The following PALLD variants were observed in gnomAD, a reference collection of about 807,000 sequenced individuals.
The protein encoded by PALLD is palladin, cytoskeletal associated protein, also known as palladin.
In PALLD, 61 loss-of-function variants were observed where a neutral mutation model predicts 123.5. The observed-to-expected ratio is 0.49, with a 90% CI of 0.40 to 0.61. The LOEUF is 0.61. Among genes scored for constraint, PALLD ranks in the 20% least tolerant of loss-of-function variants. The pLI is 0.00. For missense variants in PALLD, 1,273 were observed against 1,377.0 expected (o/e 0.92, Z 1.20); for synonymous variants, 465 against 496.4 (o/e 0.94, Z 0.84).
At chr4:168,767,091 G>T (rs1733768831) in intron 10 of PALLD, among the ~76,000 whole-genome samples, 1 of 152,154 alleles carries the variant, frequency 6.6e-6, no homozygotes, top group Admixed American at 6.5e-5. Flanking sequence ...CCTAGAATTG[G>T]ATGCAACATT....
intron 2 of PALLD, among the ~76,000 whole-genome samples, chr4:168,582,451 T>C (rs1221329807): frequency 1.3e-5 from 2 of 152,124 alleles, no homozygotes; most frequent in Admixed American, 1.3e-4. Flanking sequence ...CTGAATCCCT[T>C]TTATTCCTTT....
chr4:168,816,027 A>G (rs1250067045), intron 10 of PALLD, among the ~76,000 whole-genome samples: 1 of 152,156 alleles, frequency 6.6e-6, no homozygotes, highest in Admixed American at 6.5e-5. Flanking sequence ...TGGAGTGTGG[A>G]TGATGTGTTT....
chr4:168,765,538 T>A (rs780621427), intron 10 of PALLD, among the ~76,000 whole-genome samples: 28 of 152,298 alleles, frequency 1.8e-4, no homozygotes, highest in Non-Finnish European at 3.5e-4. Flanking sequence ...CACACTGTGG[T>A]CTTAATTTAG....
intron 10 of PALLD, among the ~76,000 whole-genome samples, chr4:168,822,088 C>T (rs10000851): frequency 0.29 from 43,792 of 151,698 alleles, 7,400 homozygotes; most frequent in Non-Finnish European, 0.4. Flanking sequence ...CCAGCCCCTC[C>T]GCAGAACACA....
chr4:168,566,598 A>G (rs1410539618), intron 2 of PALLD, among the ~76,000 whole-genome samples: 1 of 152,124 alleles, frequency 6.6e-6, no homozygotes, highest in East Asian at 1.9e-4. Flanking sequence ...ATGCTCAGCT[A>G]TCTCCACATA....
At chr4:168,503,499 T>C (rs998555365) in intron 1 of PALLD, among the ~76,000 whole-genome samples, 7 of 151,834 alleles carry the variant, frequency 4.6e-5, no homozygotes, top group South Asian at 2.1e-4. Context: ...ATACAAAAAT[T>C]AGCCGGGCAT....
At chr4:168,745,187 T>C (rs1403975376) in intron 10 of PALLD, among the ~76,000 whole-genome samples, 1 of 152,192 alleles carries the variant, frequency 6.6e-6, no homozygotes, top group African/African-American at 2.4e-5. Flanking sequence ...GTAAGGCACA[T>C]AGCCTAATGC....
intron 2 of PALLD, among the ~76,000 whole-genome samples, chr4:168,593,873 T>C (rs1232249884): frequency 3.3e-5 from 5 of 152,236 alleles, no homozygotes; most frequent in African/African-American, 1.2e-4. Flanking sequence ...GCAATTCTAA[T>C]GATTAAAAAT....
chr4:168,909,584 C>T (rs950706663), intron 15 of PALLD, among the ~76,000 whole-genome samples: 1 of 152,126 alleles, frequency 6.6e-6, no homozygotes, highest in African/African-American at 2.4e-5. Flanking sequence ...TTTCCTGGCT[C>T]ATTTCAAGCT....
intron 10 of PALLD, chr4:168,829,397 T>C (rs1273950316): frequency 6.6e-6 from 1 of 152,254 alleles, no homozygotes; most frequent in African/African-American, 2.4e-5. Context: ...AAGTCTATTC[T>C]ACCCCACAGT....
At chr4:168,602,207 AAG>A (rs1187776479) in intron 2 of PALLD, among the ~76,000 whole-genome samples, 2 of 152,236 alleles carry the variant, frequency 1.3e-5, no homozygotes, top group Admixed American at 1.3e-4. Context: ...TATCTGTCAA[AAG>A]AGAGTTATGT....
chr4:168,720,830 C>G (rs1785940084), intron 10 of PALLD, among the ~76,000 whole-genome samples: 1 of 152,216 alleles, frequency 6.6e-6, no homozygotes, highest in Non-Finnish European at 1.5e-5. Context: ...GAAGTCCAAT[C>G]AAGGAGCTTC....
chr4:168,826,469 A>T (rs1743435738), intron 10 of PALLD, among the ~76,000 whole-genome samples: 1 of 152,168 alleles, frequency 6.6e-6, no homozygotes, highest in Admixed American at 6.5e-5. Context: ...GCCCTTGGGT[A>T]AGTTACCTAA....
intron 15 of PALLD, among the ~76,000 whole-genome samples, chr4:168,910,612 C>T (rs992834812): frequency 1.3e-5 from 2 of 152,172 alleles, no homozygotes; most frequent in African/African-American, 4.8e-5. Context: ...AAACACAATG[C>T]TGCCCGGTGC....
intron 10 of PALLD, among the ~76,000 whole-genome samples, chr4:168,861,327 A>G (rs1749432382): frequency 6.6e-6 from 1 of 151,962 alleles, no homozygotes; most frequent in African/African-American, 2.4e-5. Flanking sequence ...CATACAGCTT[A>G]TATCTATATG....
intron 2 of PALLD, among the ~76,000 whole-genome samples, chr4:168,639,824 G>T (rs182410492): frequency 1.2e-4 from 18 of 152,184 alleles, no homozygotes; most frequent in African/African-American, 3.9e-4. Flanking sequence ...GATTATAGGC[G>T]TGAGCCACCG....
At chr4:168,714,719 A>G (rs958267356) in intron 10 of PALLD, among the ~76,000 whole-genome samples, 3 of 152,200 alleles carry the variant, frequency 2.0e-5, no homozygotes, top group African/African-American at 7.2e-5. Flanking sequence ...GTGCATCTCC[A>G]TCATTTGTAA....
intron 10 of PALLD, chr4:168,832,084 C>G (rs971365213): frequency 4.0e-5 from 39 of 985,448 alleles, no homozygotes; most frequent in Middle Eastern, 5.2e-4. Flanking sequence ...GATACCTGCC[C>G]CGCGCCCGGT....
intron 2 of PALLD, among the ~76,000 whole-genome samples, chr4:168,664,151 A>G (rs1031005614): frequency 1.3e-5 from 2 of 152,294 alleles, no homozygotes; most frequent in Admixed American, 1.3e-4. Flanking sequence ...TTGACCATGA[A>G]ATTTTTTCTC....
Sources: allele counts gnomAD v4.1 joint callset (sites outside exome capture counted in the v4.1 genomes callset), GRCh38; gene constraint gnomAD v4.1.1; transcripts MANE v1.5; gene names NCBI Gene and HGNC (gene_info 2026-07-23, HGNC 2026-07-21).